The following CNGA1 variants were observed in gnomAD, a reference collection of about 807,000 sequenced individuals.
CNGA1 encodes cyclic nucleotide gated channel subunit alpha 1.
CNGA1 carries 53 observed loss-of-function variants against 69.7 expected under a neutral mutation model. That is an observed-to-expected ratio of 0.76 (90% CI 0.61 to 0.96). The LOEUF is 0.96. Among genes scored for constraint, CNGA1 ranks in the 40% least tolerant of loss-of-function variants. The pLI, the probability that CNGA1 is intolerant of heterozygous loss-of-function variation, is 0.00. For missense variants in CNGA1, 739 were observed against 811.2 expected (o/e 0.91, Z 1.08); for synonymous variants, 249 against 283.5 (o/e 0.88, Z 1.22).
intron 2 of CNGA1, among the ~76,000 whole-genome samples, chr4:47,982,653 T>C: frequency 6.6e-6 from 1 of 152,114 alleles, no homozygotes; most frequent in East Asian, 1.9e-4. Flanking sequence ...TTATGTAATA[T>C]TATATTATGA....
At chr4:48,009,463 T>TAAA (rs1715055312) in intron 2 of CNGA1, among the ~76,000 whole-genome samples, 1 of 59,434 alleles carries the variant, frequency 1.7e-5, no homozygotes, top group African/African-American at 6.3e-5. Flanking sequence ...AGAGTCTGTC[T>TAAA]CAAAAAAAAA....
chr4:47,963,942 C>T (rs1334627103), intron 3 of CNGA1, among the ~76,000 whole-genome samples: 1 of 152,160 alleles, frequency 6.6e-6, no homozygotes, highest in Non-Finnish European at 1.5e-5. Context: ...TGCTTTCTAT[C>T]TTACTCCAGT....
chr4:47,954,213 C>T (rs1739923244), intron 3 of CNGA1, among the ~76,000 whole-genome samples: 2 of 152,132 alleles, frequency 1.3e-5, no homozygotes, highest in South Asian at 2.1e-4. Flanking sequence ...ATTATCCCCA[C>T]ACCCCTCCAC....
intron 3 of CNGA1, among the ~76,000 whole-genome samples, chr4:47,974,558 T>C (rs1330746773): frequency 6.6e-6 from 1 of 152,228 alleles, no homozygotes; most frequent in East Asian, 1.9e-4. Flanking sequence ...GCAGGGTGCA[T>C]GTTGGTCAAA....
At chr4:47,953,015 G>A (rs544056774) in intron 3 of CNGA1, among the ~76,000 whole-genome samples, 1 of 152,264 alleles carries the variant, frequency 6.6e-6, no homozygotes, top group South Asian at 2.1e-4. Flanking sequence ...ACTATCATGA[G>A]ACTAGCATGG....
Position 47,936,495 on chromosome 4 carries a change from T to G in CNGA1, c.1987A>C (p.Lys663Gln). Reference protein sequence around the residue: ...QRLTKVEKFLKPLIDTEFSSI... With the variant: ...QRLTKVEKFLQPLIDTEFSSI... ...GAAAATTCTGTGTCAATAAGCGGTT[T>G]CAGAAATTTCTCAACCTTGGTTAAT... Residue 663 changes from lysine (K) to glutamine (Q), a missense_variant, in exon 11 of 11, where the codon AAA becomes CAA. By Grantham distance (53) the Lys-to-Gln change is moderately conservative. Coordinates refer to ENST00000514170, the MANE Select transcript of CNGA1 (RefSeq NM_001379270.1). 1.2e-6 allele frequency: 2 copies of G among 1,614,216 alleles called. No homozygotes were observed. Among genetic ancestry groups the G allele is most frequent in the Non-Finnish European group, 1.7e-6 (2 of 1,180,044 alleles).
At chr4:47,956,269 C>T (rs1740080948) in intron 3 of CNGA1, among the ~76,000 whole-genome samples, 3 of 152,180 alleles carry the variant, frequency 2.0e-5, no homozygotes, top group Non-Finnish European at 2.9e-5. Context: ...CGGCTATCCC[C>T]GTCTGGTTAC....
chr4:47,936,826 T>G lies in CNGA1; in HGVS notation c.1656A>C (p.Lys552Asn). 3 of 1,614,116 alleles carry G rather than the reference T, an allele frequency of 1.9e-6. No homozygotes were observed. The African/African-American group carries it at 4.0e-5, about 22-fold the overall frequency. ...EISILNIKGS[K>N]AGNRRTANIK... Reference sequence around the variant, plus strand: ...TATTGGCCGTTCTTCGATTGCCAGCTTTGCTCCCTTTAATGTTAAGAATGC... The same window carrying G: ...TATTGGCCGTTCTTCGATTGCCAGCGTTGCTCCCTTTAATGTTAAGAATGC... Residue 552 changes from lysine to asparagine, a missense_variant, in exon 11 of 11, where the codon AAA (lysine) becomes AAC (asparagine). Transcript: ENST00000514170.
chr4:47,953,997 C>G (rs180931160), intron 3 of CNGA1, among the ~76,000 whole-genome samples: 1 of 152,066 alleles, frequency 6.6e-6, no homozygotes, highest in Non-Finnish European at 1.5e-5. Context: ...GCTGTCACGT[C>G]CCCCCCATCC....
At chr4:47,966,759 TTATAAG>T (rs1458899206) in intron 3 of CNGA1, among the ~76,000 whole-genome samples, 3 of 152,212 alleles carry the variant, frequency 2.0e-5, no homozygotes, top group Admixed American at 6.5e-5. Flanking sequence ...CAAGCAACTA[TTATAAG>T]TATATTTGTA....
At position 47,937,780 on chromosome 4, in the gene CNGA1, A is replaced by G. The variant is rs981017338; in HGVS notation, c.702T>C (p.Asn234=). The G allele has an allele frequency of 9.9e-6, 16 of 1,613,350 alleles. No individual in the cohort carries two copies. The highest frequency in any genetic ancestry group is 1.3e-5 in the Non-Finnish European group (15 of 1,179,614). Residue 234 remains asparagine, a synonymous_variant, in exon 11 of 11, where the codon AAT becomes AAC. Transcript: ENST00000514170. ...TAAATTGCAAGTTGGATTTATATTT[A>G]TTTATGAGTTTAAGTTCTTCCTTTA... ...LLVKEELKLI[N]KYKSNLQFKL...
intron 2 of CNGA1, among the ~76,000 whole-genome samples, chr4:47,990,452 A>G (rs1395060711): frequency 6.6e-6 from 1 of 152,112 alleles, no homozygotes; most frequent in Non-Finnish European, 1.5e-5. Flanking sequence ...GGTAAATTCT[A>G]GTCAGACCAG....
At chr4:47,998,271 G>A (rs1714483276) in intron 2 of CNGA1, among the ~76,000 whole-genome samples, 1 of 152,222 alleles carries the variant, frequency 6.6e-6, no homozygotes, top group Non-Finnish European at 1.5e-5. Context: ...AAGCAATGTA[G>A]AGAAAGAACC....
chr4:47,938,618 C>T (rs1738843803), intron 10 of CNGA1, among the ~76,000 whole-genome samples: 1 of 152,108 alleles, frequency 6.6e-6, no homozygotes, highest in South Asian at 2.1e-4. Flanking sequence ...GTCTTGATCT[C>T]CTGACCTCGT....
intron 2 of CNGA1, among the ~76,000 whole-genome samples, chr4:48,010,224 A>C (rs763585813): frequency 1.3e-5 from 2 of 152,286 alleles, no homozygotes; most frequent in South Asian, 2.1e-4. Flanking sequence ...AAATTATAGA[A>C]ATCTATCATA....
At chr4:47,943,821 A>G (rs915011892) in intron 6 of CNGA1, among the ~76,000 whole-genome samples, 3 of 152,180 alleles carry the variant, frequency 2.0e-5, no homozygotes, top group African/African-American at 4.8e-5. Flanking sequence ...AATGCCATCA[A>G]TTTTCTTTAG....
rs772202043 is a variant in CNGA1, at chr4:47,942,126, T to A, written c.460A>T (p.Ile154Phe). 9.9e-6 allele frequency: 16 copies of A among 1,612,708 alleles called. No homozygotes were observed. Among genetic ancestry groups the A allele is most frequent in the Non-Finnish European group, 1.2e-5 (14 of 1,178,830 alleles). ...KEEEKKEVVV[I>F]DPSGNTYYNW... The stretch of plus-strand genomic sequence containing the variant: ...TAATATGTGTTTCCCGAGGGATCAA[T>A]AACCACAACTTCTTTCTTCTCCCTA... Residue 154 changes from isoleucine (I) to phenylalanine (F), a missense_variant, in exon 9 of 11, where the codon ATT (isoleucine) becomes TTT (phenylalanine). Coordinates refer to ENST00000514170, the MANE Select transcript of CNGA1 (RefSeq NM_001379270.1).
At chr4:47,986,068 C>T (rs1348721346) in intron 2 of CNGA1, among the ~76,000 whole-genome samples, 1 of 152,116 alleles carries the variant, frequency 6.6e-6, no homozygotes, top group African/African-American at 2.4e-5. Context: ...CTTAACTGTA[C>T]CCATTATGCT....
At chr4:47,986,101 G>C (rs1379394388) in intron 2 of CNGA1, among the ~76,000 whole-genome samples, 2 of 152,166 alleles carry the variant, frequency 1.3e-5, no homozygotes, top group Non-Finnish European at 2.9e-5. Flanking sequence ...TTCATAAGCA[G>C]ATATCTGTGG....
Sources: gnomAD v4.1 joint callset for allele counts (sites outside exome capture counted in the v4.1 genomes callset) on GRCh38, gnomAD v4.1.1 for gene constraint, MANE v1.5 for transcripts, NCBI Gene and HGNC (gene_info 2026-07-23, HGNC 2026-07-21) for gene names.